MECOM: variants seen among roughly 807,000 people sequenced by gnomAD.
MECOM encodes the protein MDS1 and EVI1 complex locus, also known as histone-lysine N-methyltransferase MECOM.
In MECOM, 13 loss-of-function variants were observed where a neutral mutation model predicts 116.3. The ratio of observed to expected loss-of-function variants is 0.11; its 90% CI spans 0.07 to 0.18. The LOEUF is 0.18. Ranked by LOEUF, MECOM falls within the 10% of genes least tolerant of loss-of-function variation. The pLI is 1.00. For missense variants in MECOM, 1,299 were observed against 1,509.0 expected (o/e 0.86, Z 2.31); for synonymous variants, 528 against 535.2 (o/e 0.99, Z 0.19).
intron 2 of MECOM, among the ~76,000 whole-genome samples, chr3:169,297,607 T>G (rs1715859133): frequency 6.6e-6 from 1 of 152,104 alleles, no homozygotes; most frequent in South Asian, 2.1e-4. Flanking sequence ...GTATCTCTTC[T>G]GACTCAAATG....
At chr3:169,644,993 G>A (rs1157546116) in intron 1 of MECOM, among the ~76,000 whole-genome samples, 2 of 152,132 alleles carry the variant, frequency 1.3e-5, no homozygotes, top group Non-Finnish European at 2.9e-5. Flanking sequence ...ACAAATGACT[G>A]TGTTTCTCAA....
At chr3:169,301,130 A>G (rs1256758828) in intron 2 of MECOM, among the ~76,000 whole-genome samples, 2 of 152,220 alleles carry the variant, frequency 1.3e-5, no homozygotes, top group African/African-American at 4.8e-5. Context: ...CGATTCTGTT[A>G]GATAATAACA....
At chr3:169,635,459 T>C (rs1446797536) in intron 1 of MECOM, among the ~76,000 whole-genome samples, 2 of 152,144 alleles carry the variant, frequency 1.3e-5, no homozygotes, top group Non-Finnish European at 2.9e-5. Context: ...TCATCTCCCA[T>C]TGCTATCTGC....
intron 1 of MECOM, among the ~76,000 whole-genome samples, chr3:169,600,988 A>C (rs1286891455): frequency 6.6e-6 from 1 of 152,242 alleles, no homozygotes; most frequent in Non-Finnish European, 1.5e-5. Flanking sequence ...AGGAATATGC[A>C]ATCAAACTTC....
chr3:169,334,214 C>T (rs1235152076), intron 2 of MECOM, among the ~76,000 whole-genome samples: 2 of 152,062 alleles, frequency 1.3e-5, no homozygotes, highest in East Asian at 3.9e-4. Flanking sequence ...TATTTTCCTC[C>T]TTTAAACACC....
chr3:169,548,704 G>A (rs1375030479), intron 1 of MECOM, among the ~76,000 whole-genome samples: 1 of 152,150 alleles, frequency 6.6e-6, no homozygotes, highest in African/African-American at 2.4e-5. Flanking sequence ...TAAGGTAGAT[G>A]TCCCTGCTTG....
At chr3:169,094,129 A>G (rs73166188) in intron 13 of MECOM, among the ~76,000 whole-genome samples, 11,069 of 152,264 alleles carry the variant, frequency 0.073, 524 homozygotes, top group South Asian at 0.21. Flanking sequence ...TTTGAGGGAG[A>G]CGAACAGTAT....
intron 1 of MECOM, among the ~76,000 whole-genome samples, chr3:169,558,854 T>C (rs573744065): frequency 2.8e-4 from 42 of 152,210 alleles, no homozygotes; most frequent in African/African-American, 9.9e-4. Context: ...GCTTAAACCT[T>C]TGGGAAAAAA....
chr3:169,469,624 G>T (rs1217039263), intron 1 of MECOM, among the ~76,000 whole-genome samples: 3 of 151,920 alleles, frequency 2.0e-5, no homozygotes, highest in African/African-American at 2.4e-5. Context: ...CTACCCAGAA[G>T]TCCTCCTTTC....
chr3:169,527,207 G>C (rs946025518), intron 1 of MECOM, among the ~76,000 whole-genome samples: 5 of 152,190 alleles, frequency 3.3e-5, no homozygotes, highest in Non-Finnish European at 5.9e-5. Flanking sequence ...TGGAGAAGGA[G>C]GGGGAGGAGG....
chr3:169,192,630 C>G (rs1321663616), intron 2 of MECOM, among the ~76,000 whole-genome samples: 1 of 151,974 alleles, frequency 6.6e-6, no homozygotes, highest in East Asian at 1.9e-4. Flanking sequence ...TAAGATTAAT[C>G]AAGAGAGTTT....
intron 2 of MECOM, among the ~76,000 whole-genome samples, chr3:169,158,171 T>C (rs1299281036): frequency 6.6e-6 from 1 of 152,338 alleles, no homozygotes; most frequent in South Asian, 2.1e-4. Context: ...TACGTAACTT[T>C]TAAAAAATGT....
At chr3:169,185,688 T>G (rs1318602870) in intron 2 of MECOM, among the ~76,000 whole-genome samples, 6 of 152,218 alleles carry the variant, frequency 3.9e-5, no homozygotes, top group African/African-American at 1.4e-4. Flanking sequence ...TAATCTGTAC[T>G]CTTAGGGGAT....
intron 1 of MECOM, among the ~76,000 whole-genome samples, chr3:169,622,420 G>T (rs116472958): frequency 6.6e-6 from 1 of 152,066 alleles, no homozygotes; most frequent in African/African-American, 2.4e-5. Context: ...ATTTTTAAAC[G>T]AAAGGAGTTA....
In MECOM at chr3:169,122,638, A is replaced by G; in HGVS notation, c.920T>C (p.Ile307Thr). 6.2e-7 allele frequency: 1 copy of G among 1,614,072 alleles called. No individual in the cohort carries two copies. The highest frequency in any genetic ancestry group is 1.3e-5 in the African/African-American group (1 of 75,040). ...ACTGTCATGTGACATCTGGTGGCGA[A>G]TTAAATTGGACTTCCAGTTAAATGC... is the stretch of plus-strand genomic sequence containing the variant. Reference protein sequence around the residue: ...PKAFNWKSNLIRHQMSHDSGK... With the variant: ...PKAFNWKSNLTRHQMSHDSGK... The change falls in exon 6 of 17, where the codon ATT becomes ACT. Residue 307 changes from isoleucine (I) to threonine (T), a missense_variant. Ile to Thr is a moderately conservative substitution (Grantham distance 89, BLOSUM62 -1). Transcript: ENST00000651503.
At chr3:169,617,704 C>T (rs1322225452) in intron 1 of MECOM, among the ~76,000 whole-genome samples, 1 of 152,150 alleles carries the variant, frequency 6.6e-6, no homozygotes, top group East Asian at 1.9e-4. Context: ...TTGTCCCCTA[C>T]CTCATATTGG....
chr3:169,122,277 C>T (rs894693453), intron 6 of MECOM, among the ~76,000 whole-genome samples: 1 of 152,150 alleles, frequency 6.6e-6, no homozygotes, highest in African/African-American at 2.4e-5. Flanking sequence ...CTCCGCAAGG[C>T]CATAAAACAA....
At chr3:169,227,298 A>G (rs935558339) in intron 2 of MECOM, among the ~76,000 whole-genome samples, 1 of 152,196 alleles carries the variant, frequency 6.6e-6, no homozygotes, top group African/African-American at 2.4e-5. Flanking sequence ...TTTGATTATA[A>G]AATATACCCA....
rs1717105188 is a variant in MECOM, at chr3:169,084,763, A to G, written c.*146T>C. ...TCTTTTTTCTTTCTTTTCTTTTTTA[A>G]ATCATTCAGTTTAAGGTCACTAGAC... On this transcript the variant is annotated 3_prime_UTR_variant, in exon 17 of 17. Coordinates refer to ENST00000651503, the MANE Select transcript of MECOM (RefSeq NM_004991.4). 7.5e-6 allele frequency: 6 copies of G among 797,284 alleles called. No individual in the cohort carries two copies. In the East Asian group the frequency reaches 1.6e-4, roughly 22 times the overall value. 49.4% of individuals were successfully genotyped at this position (797,284 alleles called of 1,614,324 possible). A position where few individuals can be genotyped will look rare whatever the true frequency, so the allele number is the denominator to read the frequency against.
Sources: allele counts gnomAD v4.1 joint callset (sites outside exome capture counted in the v4.1 genomes callset), GRCh38; gene constraint gnomAD v4.1.1; transcripts MANE v1.5; gene names NCBI Gene and HGNC (gene_info 2026-07-23, HGNC 2026-07-21).